Variants in GALNT8 observed in about 807,000 individuals in gnomAD.
The protein encoded by GALNT8 is polypeptide N-acetylgalactosaminyltransferase 8, also known as probable polypeptide N-acetylgalactosaminyltransferase 8.
GALNT8 carries 66 observed loss-of-function variants against 62.7 expected under a neutral mutation model. The observed-to-expected ratio is 1.05, with a 90% CI of 0.86 to 1.29. The LOEUF is 1.29. Ranked by LOEUF, GALNT8 falls within the 50% of genes most tolerant of loss-of-function variation. The probability of loss-of-function intolerance (pLI) is 0.00; values close to 1 mark genes in which losing one functional copy is unlikely to be tolerated. For synonymous variants in GALNT8, 288 were observed against 294.3 expected, an observed-to-expected ratio of 0.98 and a Z score of 0.22; for missense variants, 771 against 791.8, an observed-to-expected ratio of 0.97 and a Z score of 0.32.
chr12:4,739,053 G>A (rs1946258368), intron 2 of GALNT8, 110 bp from the exon 3 acceptor site: 2 of 582,722 alleles, frequency 3.4e-6, no homozygotes. Context: ...TGAGTTTGAG[G>A]GGTGGATGAA....
At position 4,739,275 on chromosome 12, in the gene GALNT8, A is replaced by C; in HGVS notation, c.622A>C (p.Thr208Pro). Residue 208 changes from threonine to proline, a missense_variant, in exon 3 of 11, where the codon ACG becomes CCG. Thr to Pro is a conservative substitution (Grantham distance 38). Coordinates refer to ENST00000252318, the MANE Select transcript of GALNT8 (RefSeq NM_017417.2). ...GGCCATCACCAGTATCATCAACCGG[A>C]CGCCCTCTCGATTGTTGAAGGAAAT... is the stretch of plus-strand genomic sequence containing the variant. ...QRAITSIINR[T>P]PSRLLKEIIL... 1 of 1,613,630 alleles carries C rather than the reference A, an allele frequency of 6.2e-7. No individual in the cohort carries two copies. Among genetic ancestry groups the C allele is most frequent in the South Asian group, 1.1e-5 (1 of 91,030 alleles).
At chr12:4,732,081 T>C (rs1459895363) in intron 2 of GALNT8, among the ~76,000 whole-genome samples, 2 of 139,390 alleles carry the variant, frequency 1.4e-5, no homozygotes, top group Non-Finnish European at 3.2e-5. Context: ...TATTCTCACA[T>C]TGGGATTTTC....
intron 10 of GALNT8, among the ~76,000 whole-genome samples, chr12:4,767,003 G>A (rs925164080): frequency 7.3e-5 from 11 of 151,436 alleles, no homozygotes; most frequent in African/African-American, 2.7e-4. Context: ...CTCAGTCTCT[G>A]ATGTCTCACT....
intron 1 of GALNT8, among the ~76,000 whole-genome samples, chr12:4,724,148 CAAAAAAAAAA>C (rs11456593): frequency 4.2e-5 from 2 of 48,092 alleles, no homozygotes; most frequent in East Asian, 1.9e-3. Context: ...GACTCCGTCT[CAAAAAAAAAA>C]AAAAAAAAAA....
Position 4,745,534 on chromosome 12 carries a change from G to A in GALNT8, c.966G>A (p.Leu322=). ...CCTTCAAACTGGATAAGTATGAACT[G>A]GCAGTTGATGGGTTTAACTGGGAAC... The part of the protein sequence containing the change: ...FDTFKLDKYE[L]AVDGFNWELW... Residue 322 remains leucine (L), a synonymous_variant, in exon 5 of 11, where the codon CTG becomes CTA. Transcript: ENST00000252318. The A allele has an allele frequency of 2.5e-6, 4 of 1,613,120 alleles. No individual in the cohort carries two copies. The South Asian group carries it at 4.4e-5, about 18-fold the overall frequency.
intron 10 of GALNT8, among the ~76,000 whole-genome samples, chr12:4,770,967 G>A (rs373818508): frequency 2.6e-5 from 4 of 152,338 alleles, no homozygotes; most frequent in African/African-American, 9.6e-5. Flanking sequence ...GGATGGCTGG[G>A]GCTCAGGGAA....
At chr12:4,725,085 T>A (rs1363287497) in intron 1 of GALNT8, among the ~76,000 whole-genome samples, 1 of 152,158 alleles carries the variant, frequency 6.6e-6, no homozygotes, top group Non-Finnish European at 1.5e-5. Flanking sequence ...CTGGTTGAAG[T>A]TTAGTGTGGG....
chr12:4,763,212 C>T (rs1377311476), intron 7 of GALNT8, 41 bp from the exon 8 acceptor site: 1 of 1,571,400 alleles, frequency 6.4e-7, no homozygotes, highest in Non-Finnish European at 8.8e-7. Flanking sequence ...ACAGAGCTTT[C>T]ATGAATCAAA....
intron 10 of GALNT8, among the ~76,000 whole-genome samples, chr12:4,766,035 C>T (rs1021999199): frequency 5.9e-5 from 9 of 152,114 alleles, no homozygotes; most frequent in African/African-American, 2.2e-4. Context: ...CCTCCCAAAG[C>T]GCTGGGATTA....
At chr12:4,767,530 C>T (rs1565391035) in intron 10 of GALNT8, among the ~76,000 whole-genome samples, 1 of 152,198 alleles carries the variant, frequency 6.6e-6, no homozygotes, top group East Asian at 1.9e-4. Flanking sequence ...GAACTGAGAC[C>T]CACAGATAAA....
intron 9 of GALNT8, 113 bp downstream of exon 9, chr12:4,764,160 G>A: frequency 1.4e-6 from 1 of 739,288 alleles, no homozygotes. Flanking sequence ...CAGGAGCGGA[G>A]CATCCTGGGT....
intron 3 of GALNT8, among the ~76,000 whole-genome samples, chr12:4,743,701 C>T (rs963549833): frequency 6.6e-6 from 1 of 152,124 alleles, no homozygotes; most frequent in African/African-American, 2.4e-5. Context: ...ACTCTTTGTG[C>T]CTCAGTTTCT....
In GALNT8 at chr12:4,726,450, A is replaced by G. The variant is rs1946195790; in HGVS notation, c.212-82A>G. On this transcript the variant is annotated intron_variant, in intron 1 of 10. Transcript: ENST00000252318. The surrounding 1 kb of genome is among the most constrained non-coding windows in gnomAD (Gnocchi z 4.1). ...ATGTAGTGGGTAAACCGTTAGAGGA[A>G]ATTAGGATGGAAAGGAATACCCAGG... 1 of 936,828 alleles carries G rather than the reference A, an allele frequency of 1.1e-6. No individual in the cohort carries two copies. Among genetic ancestry groups the G allele is most frequent in the Non-Finnish European group, 1.6e-6 (1 of 610,746 alleles). The allele number at this position is 936,828 out of a possible 1,614,324, so 58.0% of individuals were successfully genotyped here. A position where few individuals can be genotyped will look rare whatever the true frequency, so the allele number is the denominator to read the frequency against.
chr12:4,724,601 A>G (rs974129030), intron 1 of GALNT8, among the ~76,000 whole-genome samples: 3 of 152,230 alleles, frequency 2.0e-5, no homozygotes, highest in Admixed American at 6.5e-5. Context: ...ATGAATAACC[A>G]TAGTGTTCCA....
In GALNT8 at chr12:4,720,706, C is replaced by T. The variant is rs530622053; in HGVS notation, c.29C>T (p.Ala10Val). MMFWRKLPK[A>V]LFIGLTLAIA... ...ATGTTTTGGAGGAAACTCCCCAAAG[C>T]CCTCTTCATTGGGCTGACTCTGGCC... The change falls in exon 1 of 11, where the codon GCC (alanine) becomes GTC (valine). Residue 10 changes from alanine to valine, a missense_variant. By Grantham distance (64) the Ala-to-Val change is moderately conservative. Coordinates refer to ENST00000252318, the MANE Select transcript of GALNT8 (RefSeq NM_017417.2). 6 of 1,613,310 alleles carry T rather than the reference C, an allele frequency of 3.7e-6. No homozygotes were observed. In the African/African-American group the frequency reaches 4.0e-5, roughly 11 times the overall value.
At position 4,751,584 on chromosome 12, in the gene GALNT8, T is replaced by C. The variant is rs188625348; in HGVS notation, c.1173+5326T>C. On this transcript the variant is annotated intron_variant, in intron 6 of 10. Transcript: ENST00000252318. ...ATAGTTTCCCAAATTTCTCTTGTTA[T>C]TGATTTCTAGTTTTATTCCACTGTG... Among the ~76,000 whole-genome samples the C allele has an allele frequency of 5.3e-5, 8 of 152,290 alleles. No individual in the cohort carries two copies. The East Asian group carries it at 1.5e-3, about 29-fold the overall frequency.
intron 6 of GALNT8, among the ~76,000 whole-genome samples, chr12:4,757,790 G>A (rs1363570543): frequency 2.0e-5 from 3 of 152,196 alleles, no homozygotes; most frequent in African/African-American, 7.2e-5. Flanking sequence ...GACACTGGGA[G>A]TACAGGTACT....
In GALNT8 at chr12:4,772,683, A is replaced by G. The variant is rs1486973665; in HGVS notation, c.*86A>G. 7 of 1,078,014 alleles carry G rather than the reference A, an allele frequency of 6.5e-6. No homozygotes were observed. Among genetic ancestry groups the G allele is most frequent in the East Asian group, 2.4e-5 (1 of 41,642 alleles). The allele number at this position is 1,078,014 out of a possible 1,614,324, so 66.8% of individuals were successfully genotyped here. A position where few individuals can be genotyped will look rare whatever the true frequency, so the allele number is the denominator to read the frequency against. On this transcript the variant is annotated 3_prime_UTR_variant, in exon 11 of 11. Coordinates refer to ENST00000252318, the MANE Select transcript of GALNT8 (RefSeq NM_017417.2). Reference sequence around the variant, plus strand: ...AACACTCCCAGCTTCTTTCTCAATGAGAAAGAAAGCATGTGTATGTCTGTT... The same window carrying G: ...AACACTCCCAGCTTCTTTCTCAATGGGAAAGAAAGCATGTGTATGTCTGTT...
intron 2 of GALNT8, among the ~76,000 whole-genome samples, chr12:4,733,242 A>T (rs1209237308): frequency 2.0e-5 from 3 of 152,252 alleles, no homozygotes; most frequent in Non-Finnish European, 2.9e-5. Context: ...TGTATAGGAT[A>T]GATATAAAAC....
Sources: gnomAD v4.1 joint callset for allele counts (sites outside exome capture counted in the v4.1 genomes callset) on GRCh38, gnomAD v4.1.1 for gene constraint, Gnocchi (gnomAD v3.1) non-coding constraint, MANE v1.5 for transcripts, NCBI Gene and HGNC (gene_info 2026-07-23, HGNC 2026-07-21) for gene names.